ABLIM1: variants seen among roughly 807,000 people sequenced by gnomAD.
ABLIM1 encodes actin binding LIM protein 1.
ABLIM1 carries 40 observed loss-of-function variants against 107.0 expected under a neutral mutation model. The observed-to-expected ratio is 0.37, with a 90% confidence interval of 0.29 to 0.49. The LOEUF is 0.49. ABLIM1 is among the 20% of genes least tolerant of loss of function. The pLI, the probability that ABLIM1 is intolerant of heterozygous loss-of-function variation, is 0.97. For synonymous variants in ABLIM1, 357 were observed against 357.3 expected (o/e 1.00, Z 0.01); for missense variants, 857 against 1,008.5 (o/e 0.85, Z 2.04).
intron 8 of ABLIM1, among the ~76,000 whole-genome samples, chr10:114,483,536 C>T (rs368550800): frequency 1.1e-4 from 16 of 152,118 alleles, no homozygotes; most frequent in African/African-American, 2.4e-4. Flanking sequence ...ATTGGCCTCC[C>T]GACGTGCTGG....
chr10:114,729,228 T>A (rs1381966038), intron 1 of ABLIM1, among the ~76,000 whole-genome samples: 2 of 152,062 alleles, frequency 1.3e-5, no homozygotes, highest in Admixed American at 1.3e-4. Flanking sequence ...CCAAAGCCAA[T>A]GTTCTCCACC....
chr10:114,475,584 A>G (rs1354145217), intron 8 of ABLIM1, among the ~76,000 whole-genome samples: 2 of 152,206 alleles, frequency 1.3e-5, no homozygotes, highest in Non-Finnish European at 2.9e-5. Flanking sequence ...ATTACTTGTA[A>G]ACAAATACTT....
chr10:114,491,849 A>G lies in ABLIM1; in HGVS notation c.924T>C (p.Cys308=). Residue 308 remains cysteine, a synonymous_variant, in exon 7 of 23, where the codon TGT becomes TGC. Coordinates refer to ENST00000533213, the MANE Select transcript of ABLIM1 (RefSeq NM_002313.7). ...TCTGGTTGCATCTGCTGCATCGTGC[A>G]CAGCTGGGGTGGTAATGTTTGTCAC... ...EAGDKHYHPS[C]ARCSRCNQMF... is the part of the protein sequence containing the mutation. The G allele has an allele frequency of 6.2e-7, 1 of 1,611,170 alleles. No individual in the cohort carries two copies. Among genetic ancestry groups the G allele is most frequent in the South Asian group, 1.1e-5 (1 of 90,862 alleles).
At chr10:114,685,472 T>C (rs1403400200), upstream of ABLIM1, among the ~76,000 whole-genome samples, 1 of 152,234 alleles carries the variant, frequency 6.6e-6, no homozygotes, top group East Asian at 1.9e-4. Context: ...TGAAGAGTCC[T>C]GGCTTACTCT....
chr10:114,586,436 G>A (rs2074202324), intron 2 of ABLIM1, among the ~76,000 whole-genome samples: 1 of 152,312 alleles, frequency 6.6e-6, no homozygotes, highest in Middle Eastern at 3.4e-3. Flanking sequence ...TAATTAAAGG[G>A]TTGGGAAGGA....
chr10:114,666,218 C>A (rs1229968855), intron 1 of ABLIM1, among the ~76,000 whole-genome samples: 1 of 152,142 alleles, frequency 6.6e-6, no homozygotes, highest in East Asian at 1.9e-4. Context: ...ACATAATTTT[C>A]TGCAGTGTGG....
At chr10:114,591,309 CTATTT>C (rs1023960565) in intron 2 of ABLIM1, among the ~76,000 whole-genome samples, 4 of 152,068 alleles carry the variant, frequency 2.6e-5, no homozygotes, top group Non-Finnish European at 4.4e-5. Flanking sequence ...TTTTATCTAC[CTATTT>C]TATTTCCTTA....
intron 6 of ABLIM1, among the ~76,000 whole-genome samples, chr10:114,499,075 G>A (rs562553640): frequency 6.6e-6 from 1 of 152,316 alleles, no homozygotes; most frequent in East Asian, 1.9e-4. Context: ...AGAAGACAGA[G>A]CTAGGGGTAG....
chr10:114,644,306 AATATATAT>A (rs1244613103), intron 1 of ABLIM1, among the ~76,000 whole-genome samples: 12 of 52,256 alleles, frequency 2.3e-4, no homozygotes, highest in Admixed American at 1.9e-3. Context: ...AAAAAAAAAA[AATATATAT>A]ATATATATAT....
At chr10:114,763,066 A>C (rs2082787319) in intron 1 of ABLIM1, among the ~76,000 whole-genome samples, 1 of 152,072 alleles carries the variant, frequency 6.6e-6, no homozygotes, top group Admixed American at 6.6e-5. Context: ...TTTCCTCATG[A>C]CTCAAGCTTC....
chr10:114,593,455 A>C (rs1384282601), intron 2 of ABLIM1, among the ~76,000 whole-genome samples: 9 of 152,148 alleles, frequency 5.9e-5, no homozygotes, highest in African/African-American at 2.2e-4. Flanking sequence ...CATGCTCCCC[A>C]AATCCCTTGG....
intron 6 of ABLIM1, among the ~76,000 whole-genome samples, chr10:114,511,332 TC>T (rs2061837543): frequency 6.6e-6 from 1 of 152,004 alleles, no homozygotes. Context: ...GCAATGTTTT[TC>T]ATTTTAATTT....
chr10:114,469,825 G>A (rs1200939457), intron 10 of ABLIM1, among the ~76,000 whole-genome samples: 3 of 152,204 alleles, frequency 2.0e-5, no homozygotes, highest in African/African-American at 7.2e-5. Context: ...AATGCAAAAA[G>A]CTTTCAAATA....
intron 1 of ABLIM1, among the ~76,000 whole-genome samples, chr10:114,731,228 C>T (rs534740981): frequency 1.8e-4 from 28 of 151,644 alleles, no homozygotes; most frequent in Middle Eastern, 3.4e-3. Flanking sequence ...GCAACCTCCG[C>T]CTCCCGGGTT....
At chr10:114,791,209 G>C in the ABLIM1 span, among the ~76,000 whole-genome samples, 9 of 152,126 alleles carry the variant, frequency 5.9e-5, no homozygotes, top group African/African-American at 2.2e-4. Context: ...AGCCTCCTGA[G>C]TAGCTAAGAC....
chr10:114,435,640 A>G lies in ABLIM1; in HGVS notation c.*620T>C, dbSNP rs879567739. On this transcript the variant is annotated 3_prime_UTR_variant, in exon 23 of 23. Coordinates refer to ENST00000533213, the MANE Select transcript of ABLIM1 (RefSeq NM_002313.7). ...ATTTGCCAGCCAGGTCCCGGTGAAC[A>G]GTAGAGAACAAGGAGCTTGCTAAGA... The G allele has an allele frequency of 3.3e-5, 5 of 152,252 alleles. No individual in the cohort carries two copies. Among genetic ancestry groups the G allele is most frequent in the Non-Finnish European group, 7.3e-5 (5 of 68,068 alleles). The allele number at this position is 152,252 out of a possible 1,614,324, so 9.4% of individuals were successfully genotyped here.
At chr10:114,639,676 C>T (rs1225184027) in intron 1 of ABLIM1, among the ~76,000 whole-genome samples, 6 of 152,244 alleles carry the variant, frequency 3.9e-5, no homozygotes, top group African/African-American at 9.6e-5. Flanking sequence ...GATGTTCATG[C>T]TCAGAAGATG....
intron 6 of ABLIM1, among the ~76,000 whole-genome samples, chr10:114,516,918 A>G (rs1421492922): frequency 6.6e-6 from 1 of 152,186 alleles, no homozygotes; most frequent in East Asian, 1.9e-4. Flanking sequence ...AATTTCCTAG[A>G]AGACTTGCAG....
chr10:114,544,960 T>G, intron 6 of ABLIM1, 45 bp downstream of exon 6: 33 of 1,576,976 alleles, frequency 2.1e-5, no homozygotes, highest in Non-Finnish European at 2.6e-5. Flanking sequence ...TGAGGGCCGC[T>G]GAGAAAGATG....
Sources: allele counts gnomAD v4.1 joint callset (sites outside exome capture counted in the v4.1 genomes callset), GRCh38; gene constraint gnomAD v4.1.1; transcripts MANE v1.5; gene names NCBI Gene and HGNC (gene_info 2026-07-23, HGNC 2026-07-21).